Variants in ATP8A1 observed in about 807,000 individuals in gnomAD.
ATP8A1 encodes ATPase phospholipid transporting 8A1, also known as phospholipid-transporting ATPase IA.
Under a neutral mutation model 177.7 loss-of-function variants are expected in ATP8A1, and 90 were observed. That is an observed-to-expected ratio of 0.51 (90% CI 0.43 to 0.60). ATP8A1 has a LOEUF of 0.60. Ranked by LOEUF, ATP8A1 falls within the 20% of genes least tolerant of loss-of-function variation. The pLI, the probability that ATP8A1 is intolerant of heterozygous loss-of-function variation, is 0.00. For missense variants in ATP8A1, 1,072 were observed against 1,392.8 expected (o/e 0.77, Z 3.67); for synonymous variants, 493 against 485.9 (o/e 1.01, Z -0.19).
At position 42,588,277 on chromosome 4, in the gene ATP8A1, T is replaced by C. The variant is rs768061942; in HGVS notation, c.577A>G (p.Asn193Asp). The C allele has an allele frequency of 1.2e-6, 2 of 1,613,544 alleles. No homozygotes were observed. The highest frequency in any genetic ancestry group is 1.3e-5 in the African/African-American group (1 of 74,914). ...GATCTTACCTGTCTAATTTTCAAGT[T>C]TGTTTCACCATCTAAGTTGGATGTT... is the stretch of plus-strand genomic sequence containing the variant. ...IETSNLDGET[N>D]LKIRQGLPAT... is the part of the protein sequence containing the mutation. The change falls in exon 8 of 37, where the codon AAC (asparagine) becomes GAC (aspartate). Residue 193 changes from asparagine to aspartate, a missense_variant. Physicochemically the swap from Asn to Asp is conservative, Grantham distance 23. This residue lies in a region of ATP8A1 where 344 missense variants were observed against 393.5 expected (regional missense o/e 0.87). Transcript: ENST00000381668.
intron 4 of ATP8A1, among the ~76,000 whole-genome samples, chr4:42,619,919 A>G (rs1482658572): frequency 6.6e-6 from 1 of 152,190 alleles, no homozygotes; most frequent in African/African-American, 2.4e-5. Flanking sequence ...TTGCTACAAT[A>G]ACCACCTATA....
At chr4:42,634,777 G>C (rs1174591752) in intron 1 of ATP8A1, among the ~76,000 whole-genome samples, 1 of 152,122 alleles carries the variant, frequency 6.6e-6, no homozygotes, top group Non-Finnish European at 1.5e-5. Context: ...AATCAGAAAG[G>C]CATACTATGG....
chr4:42,518,025 T>A (rs1301414202), intron 22 of ATP8A1, among the ~76,000 whole-genome samples: 2 of 152,156 alleles, frequency 1.3e-5, no homozygotes, highest in East Asian at 3.8e-4. Context: ...AAAGGATAAA[T>A]GCCTTGTTGT....
At chr4:42,563,541 C>T (rs1448552013) in intron 15 of ATP8A1, among the ~76,000 whole-genome samples, 1 of 152,154 alleles carries the variant, frequency 6.6e-6, no homozygotes, top group Non-Finnish European at 1.5e-5. Flanking sequence ...TATTAATCCC[C>T]AAGATAATGG....
At chr4:42,440,967 A>G (rs1716576359) in intron 33 of ATP8A1, among the ~76,000 whole-genome samples, 2 of 152,132 alleles carry the variant, frequency 1.3e-5, no homozygotes, top group Non-Finnish European at 2.9e-5. Context: ...TCAACACAGG[A>G]AAGGACTGGG....
At chr4:42,416,797 C>G (rs1378091079) in intron 35 of ATP8A1, among the ~76,000 whole-genome samples, 1 of 152,064 alleles carries the variant, frequency 6.6e-6, no homozygotes, top group African/African-American at 2.4e-5. Context: ...AGGAAGCACT[C>G]AACAAATGCT....
chr4:42,553,022 C>A (rs938988938), intron 16 of ATP8A1, among the ~76,000 whole-genome samples: 1 of 152,144 alleles, frequency 6.6e-6, no homozygotes, highest in Non-Finnish European at 1.5e-5. Flanking sequence ...ACAAACAAAA[C>A]CCCATAAAAA....
At chr4:42,453,503 T>C (rs1001405877) in intron 29 of ATP8A1, among the ~76,000 whole-genome samples, 1 of 152,106 alleles carries the variant, frequency 6.6e-6, no homozygotes, top group Admixed American at 6.6e-5. Context: ...GCTCTACAGA[T>C]AATGAAAAGA....
intron 33 of ATP8A1, among the ~76,000 whole-genome samples, chr4:42,426,393 A>G (rs978617765): frequency 1.3e-5 from 2 of 152,184 alleles, no homozygotes; most frequent in Admixed American, 6.5e-5. Context: ...ACTCATGGAA[A>G]TGTATAGACA....
chr4:42,424,305 ATAAAT>A (rs1221315988), intron 33 of ATP8A1, among the ~76,000 whole-genome samples: 1 of 152,082 alleles, frequency 6.6e-6, no homozygotes, highest in Non-Finnish European at 1.5e-5. Flanking sequence ...TTAAAAAGTA[ATAAAT>A]TCTATTATTT....
chr4:42,630,263 C>A (rs762902635), intron 1 of ATP8A1, among the ~76,000 whole-genome samples: 2 of 152,122 alleles, frequency 1.3e-5, no homozygotes, highest in Non-Finnish European at 2.9e-5. Context: ...GATGGTATTC[C>A]TTCTTATACA....
intron 1 of ATP8A1, among the ~76,000 whole-genome samples, chr4:42,633,728 C>G (rs7658526): frequency 6.6e-6 from 1 of 152,120 alleles, no homozygotes; most frequent in East Asian, 1.9e-4. Flanking sequence ...ATGCCTGGCA[C>G]GTAGTAAGAG....
At chr4:42,506,558 C>G (rs1578069450) in intron 23 of ATP8A1, among the ~76,000 whole-genome samples, 2 of 152,270 alleles carry the variant, frequency 1.3e-5, no homozygotes, top group African/African-American at 4.8e-5. Context: ...AGGAGTAGTA[C>G]ACAGAAGAGG....
intron 16 of ATP8A1, among the ~76,000 whole-genome samples, chr4:42,554,347 A>G (rs1560452603): frequency 6.6e-6 from 1 of 152,166 alleles, no homozygotes; most frequent in East Asian, 1.9e-4. Flanking sequence ...ACATGGAGAG[A>G]AAAGAAGGCA....
At chr4:42,414,512 A>G in intron 36 of ATP8A1, 115 bp downstream of exon 36, 1 of 923,260 alleles carries the variant, frequency 1.1e-6, no homozygotes. Flanking sequence ...AATATGCAAA[A>G]CTTATTTTAG....
rs774719388 is a variant in ATP8A1, at chr4:42,455,634, T to C, written c.2620-35A>G. 9.4e-6 allele frequency: 15 copies of C among 1,589,078 alleles called. No individual in the cohort carries two copies. In the African/African-American group the frequency reaches 1.4e-4, roughly 14 times the overall value. On this transcript the variant is annotated intron_variant, in intron 27 of 36. Coordinates refer to ENST00000381668, the MANE Select transcript of ATP8A1 (RefSeq NM_006095.2). ...AAAACCCAAAACCCCCAAATTAGAA[T>C]ACAAAAGCATAAATGCATTGCTTAG...
intron 10 of ATP8A1, among the ~76,000 whole-genome samples, 198 bp downstream of exon 10, chr4:42,581,423 G>T (rs188039113): frequency 6.6e-6 from 1 of 152,078 alleles, no homozygotes; most frequent in East Asian, 1.9e-4. Context: ...GTGAGCCACC[G>T]CGCCCAGCCC....
At chr4:42,502,355 A>T (rs1723940356) in intron 24 of ATP8A1, among the ~76,000 whole-genome samples, 1 of 152,228 alleles carries the variant, frequency 6.6e-6, no homozygotes, top group Admixed American at 6.5e-5. Flanking sequence ...CACTGGTACA[A>T]CACAATGAAT....
intron 4 of ATP8A1, among the ~76,000 whole-genome samples, chr4:42,622,656 G>A (rs1352317224): frequency 6.6e-6 from 1 of 152,048 alleles, no homozygotes; most frequent in African/African-American, 2.4e-5. Flanking sequence ...TCTGACAAAG[G>A]TCTAATATCC....
Sources: allele counts gnomAD v4.1 joint callset (sites outside exome capture counted in the v4.1 genomes callset), GRCh38; gene constraint gnomAD v4.1.1; regional missense constraint gnomAD v4.1.1; transcripts MANE v1.5; gene names NCBI Gene and HGNC (gene_info 2026-07-23, HGNC 2026-07-21).